Variants in ZFAT observed in about 807,000 individuals in gnomAD.
The protein encoded by ZFAT is zinc finger and AT-hook domain containing.
A neutral mutation model predicts 117.7 loss-of-function variants in ZFAT; 64 were observed. That is an observed-to-expected ratio of 0.54 (90% CI 0.44 to 0.67). The LOEUF (loss-of-function observed/expected upper bound fraction) is 0.67. Among genes scored for constraint, ZFAT ranks in the 30% least tolerant of loss-of-function variants. The pLI is 0.00. For missense variants in ZFAT, 1,433 were observed against 1,584.5 expected, an observed-to-expected ratio of 0.90 and a Z score of 1.62; for synonymous variants, 679 against 615.0, an observed-to-expected ratio of 1.10 and a Z score of -1.54.
chr8:134,831,785 G>GC, the ZFAT span, among the ~76,000 whole-genome samples: 1 of 151,906 alleles, frequency 6.6e-6, no homozygotes, highest in African/African-American at 2.4e-5. Context: ...CCGGCCCCGA[G>GC]CCCCCCACGA....
At chr8:134,631,952 C>T (rs1829919034) in intron 3 of ZFAT, among the ~76,000 whole-genome samples, 1 of 152,138 alleles carries the variant, frequency 6.6e-6, no homozygotes, top group Admixed American at 6.5e-5. Flanking sequence ...ACTGCCAGAT[C>T]TGTATTTTCT....
intron 1 of ZFAT, among the ~76,000 whole-genome samples, chr8:134,662,784 T>G (rs921815017): frequency 6.7e-6 from 1 of 150,066 alleles, no homozygotes; most frequent in Non-Finnish European, 1.5e-5. Context: ...ACAGAAAGAC[T>G]GTGCAGACAG....
At chr8:134,519,724 G>A (rs1410154819) in intron 13 of ZFAT, among the ~76,000 whole-genome samples, 1 of 152,168 alleles carries the variant, frequency 6.6e-6, no homozygotes, top group Non-Finnish European at 1.5e-5. Flanking sequence ...TGCTGTTAAA[G>A]AACAGCAGAG....
At chr8:134,756,530 G>A in the ZFAT span, among the ~76,000 whole-genome samples, 6 of 152,212 alleles carry the variant, frequency 3.9e-5, no homozygotes, top group African/African-American at 1.4e-4. Flanking sequence ...ACGCTCATGT[G>A]CAGTGGATGC....
At chr8:134,820,529 C>T in the ZFAT span, among the ~76,000 whole-genome samples, 1 of 152,198 alleles carries the variant, frequency 6.6e-6, no homozygotes, top group African/African-American at 2.4e-5. Flanking sequence ...ATTTATCTCA[C>T]ACTTATATGC....
intron 1 of ZFAT, among the ~76,000 whole-genome samples, chr8:134,667,967 GC>G (rs1563745895): frequency 6.6e-6 from 1 of 152,112 alleles, no homozygotes. Context: ...TATATCCCGC[GC>G]ATGGCTCCGT....
chr8:134,783,647 T>C, the ZFAT span: 1 of 152,104 alleles, frequency 6.6e-6, no homozygotes, highest in Non-Finnish European at 1.5e-5. Flanking sequence ...TATGGCAGGG[T>C]CCCCAAGACC....
intron 5 of ZFAT, 42 bp from the exon 6 acceptor site, chr8:134,602,975 A>G (rs1316577916): frequency 1.3e-6 from 2 of 1,561,816 alleles, no homozygotes; most frequent in African/African-American, 1.4e-5. Flanking sequence ...GAGACCTTGA[A>G]TGTTCCTCAT....
chr8:134,738,592 C>T, the ZFAT span, among the ~76,000 whole-genome samples: 429 of 152,232 alleles, frequency 2.8e-3, 1 homozygote, highest in African/African-American at 9.7e-3. Context: ...AATGTGTACA[C>T]TTGCAAACTG....
the ZFAT span, among the ~76,000 whole-genome samples, chr8:134,823,770 T>C: frequency 6.6e-6 from 1 of 152,226 alleles, no homozygotes; most frequent in Non-Finnish European, 1.5e-5. Flanking sequence ...AATCAACTTT[T>C]AAGATCAGAT....
At chr8:134,610,678 C>G (rs755353564) in intron 3 of ZFAT, 23 bp from the exon 4 acceptor site, 2 of 1,611,878 alleles carry the variant, frequency 1.2e-6, no homozygotes, top group Non-Finnish European at 1.7e-6. Flanking sequence ...TACCAAGATG[C>G]ATAAGGTATC....
At chr8:134,525,139 G>T (rs1158070623) in intron 12 of ZFAT, among the ~76,000 whole-genome samples, 22 of 152,166 alleles carry the variant, frequency 1.4e-4, no homozygotes, top group Admixed American at 1.4e-3. Context: ...CTCCAGTCAA[G>T]ATCTAGTTTT....
the ZFAT span, among the ~76,000 whole-genome samples, chr8:134,816,217 G>T: frequency 7.2e-5 from 11 of 152,140 alleles, no homozygotes; most frequent in African/African-American, 2.4e-4. Flanking sequence ...GAAATTAAAT[G>T]ACTTTATCAA....
At chr8:134,670,823 T>C (rs1039573320) in intron 1 of ZFAT, among the ~76,000 whole-genome samples, 29 of 152,298 alleles carry the variant, frequency 1.9e-4, no homozygotes, top group Non-Finnish European at 4.0e-4. Context: ...AGCTGGTTTT[T>C]TGAAAAGATC....
chr8:134,785,898 G>A, the ZFAT span: 1 of 152,088 alleles, frequency 6.6e-6, no homozygotes, highest in Non-Finnish European at 1.5e-5. Context: ...GGAGAGAACT[G>A]GTACTTTAAT....
the ZFAT span, chr8:134,794,825 G>A: frequency 6.6e-6 from 1 of 152,210 alleles, no homozygotes; most frequent in African/African-American, 2.4e-5. Flanking sequence ...CACATCATGT[G>A]ATTTGGTGGT....
intron 1 of ZFAT, among the ~76,000 whole-genome samples, chr8:134,707,504 C>A (rs1834181234): frequency 6.6e-6 from 1 of 152,108 alleles, no homozygotes; most frequent in African/African-American, 2.4e-5. Context: ...AAGAGGCCCA[C>A]CAGCAGGGAC....
intron 11 of ZFAT, among the ~76,000 whole-genome samples, chr8:134,550,728 A>G (rs577244240): frequency 6.6e-6 from 1 of 152,336 alleles, no homozygotes; most frequent in South Asian, 2.1e-4. Context: ...TCTAAAATAG[A>G]ATGAAGCTGA....
intron 10 of ZFAT, among the ~76,000 whole-genome samples, chr8:134,566,405 A>AAAAAAAAAAAAAAAAAAAAAAT (rs1377422545): frequency 6.6e-6 from 1 of 151,712 alleles, no homozygotes; most frequent in African/African-American, 2.4e-5. Context: ...AAAAAAAAAA[A>AAAAAAAAAAAAAAAAAAAAAAT]AAAAAGATTA....
Sources: allele counts gnomAD v4.1 joint callset (sites outside exome capture counted in the v4.1 genomes callset), GRCh38; gene constraint gnomAD v4.1.1; transcripts MANE v1.5; gene names NCBI Gene and HGNC (gene_info 2026-07-23, HGNC 2026-07-21).